KIAA0825: variants seen among roughly 807,000 people sequenced by gnomAD.
KIAA0825 encodes the protein uncharacterized protein KIAA0825.
A neutral mutation model predicts 147.6 loss-of-function variants in KIAA0825; 119 were observed. The observed-to-expected ratio is 0.81, with a 90% CI of 0.69 to 0.94. The LOEUF is 0.94. Ranked by LOEUF, KIAA0825 falls within the 40% of genes least tolerant of loss-of-function variation. The pLI is 0.00. For missense variants in KIAA0825, 1,381 were observed against 1,472.7 expected (o/e 0.94, Z 1.02); for synonymous variants, 470 against 518.1 (o/e 0.91, Z 1.26).
At chr5:94,344,861 G>T (rs898940985) in intron 20 of KIAA0825, among the ~76,000 whole-genome samples, 1 of 152,146 alleles carries the variant, frequency 6.6e-6, no homozygotes, top group African/African-American at 2.4e-5. Context: ...TACCTAGAGT[G>T]GTCAAATTCA....
At chr5:94,557,999 C>T (rs913781098) in intron 2 of KIAA0825, among the ~76,000 whole-genome samples, 3 of 152,202 alleles carry the variant, frequency 2.0e-5, no homozygotes, top group Non-Finnish European at 4.4e-5. Flanking sequence ...CGCCCATTGC[C>T]GCTCCTGATC....
chr5:94,203,788 T>C (rs1445171170), intron 20 of KIAA0825, among the ~76,000 whole-genome samples: 1 of 152,164 alleles, frequency 6.6e-6, no homozygotes, highest in Non-Finnish European at 1.5e-5. Context: ...AACAAACTTC[T>C]GTAACTGCTG....
At chr5:94,438,651 T>C (rs1756675355) in intron 14 of KIAA0825, among the ~76,000 whole-genome samples, 1 of 152,086 alleles carries the variant, frequency 6.6e-6, no homozygotes, top group Admixed American at 6.5e-5. Context: ...AGCAATATTC[T>C]CACAAGAGAC....
Position 94,347,422 on chromosome 5 carries a change from G to A in KIAA0825, c.3710+36946C>T, listed in dbSNP as rs191466919. 2.3e-3 allele frequency among the ~76,000 whole-genome samples: 354 copies of A among 152,214 alleles called. 3 individuals are homozygous for A. Among genetic ancestry groups the A allele is most frequent in the African/African-American group, 7.9e-3 (329 of 41,528 alleles). On this transcript the variant is annotated intron_variant, in intron 20 of 20. Transcript: ENST00000682413. Reference sequence around the variant, plus strand: ...CATTGCACCCCCTGCCACTTCCACCGGAACAGGCACTGGTATCCACAGCTG... The same window carrying A: ...CATTGCACCCCCTGCCACTTCCACCAGAACAGGCACTGGTATCCACAGCTG...
At chr5:94,484,988 T>G (rs1762882821) in intron 5 of KIAA0825, 58 bp from the exon 6 acceptor site, 3 of 1,175,970 alleles carry the variant, frequency 2.6e-6, no homozygotes, top group East Asian at 5.5e-5. Flanking sequence ...TAGTAAATAT[T>G]AGAATGATCT....
intron 20 of KIAA0825, among the ~76,000 whole-genome samples, chr5:94,154,550 A>G (rs752526097): frequency 6.6e-6 from 1 of 152,164 alleles, no homozygotes; most frequent in Admixed American, 6.5e-5. Flanking sequence ...TTTAGCAGAA[A>G]GAAGAACATC....
At chr5:94,503,861 C>G (rs1409521062) in intron 5 of KIAA0825, among the ~76,000 whole-genome samples, 3 of 152,172 alleles carry the variant, frequency 2.0e-5, no homozygotes, top group Non-Finnish European at 4.4e-5. Flanking sequence ...GGCCATCTTC[C>G]AGGAAGCTAG....
intron 20 of KIAA0825, among the ~76,000 whole-genome samples, chr5:94,348,746 C>T (rs1783297299): frequency 6.6e-6 from 1 of 152,094 alleles, no homozygotes; most frequent in South Asian, 2.1e-4. Flanking sequence ...ACAGAATTTG[C>T]CATTACCAAG....
At chr5:94,154,178 C>G in intron 20 of KIAA0825, 54 bp from the exon 21 acceptor site, 1 of 1,086,520 alleles carries the variant, frequency 9.2e-7, no homozygotes, top group Non-Finnish European at 1.4e-6. Flanking sequence ...CACAGGTCAA[C>G]ACTCAGTTAA....
chr5:94,307,116 A>G (rs992621743), intron 20 of KIAA0825, among the ~76,000 whole-genome samples: 4 of 151,712 alleles, frequency 2.6e-5, no homozygotes, highest in Non-Finnish European at 5.9e-5. Flanking sequence ...AAACTTCTAG[A>G]TGCTCTACAT....
chr5:94,251,460 A>G (rs1402221856), intron 20 of KIAA0825, among the ~76,000 whole-genome samples: 1 of 152,092 alleles, frequency 6.6e-6, no homozygotes, highest in African/African-American at 2.4e-5. Flanking sequence ...CCTAAAGGCC[A>G]TGTATGCAAA....
At chr5:94,297,618 T>C (rs937350436) in intron 20 of KIAA0825, among the ~76,000 whole-genome samples, 1 of 151,978 alleles carries the variant, frequency 6.6e-6, no homozygotes, top group South Asian at 2.1e-4. Flanking sequence ...ATTTTTGAGA[T>C]AGAGTCTCAA....
chr5:94,426,064 T>C (rs1404469648), intron 14 of KIAA0825, among the ~76,000 whole-genome samples: 1 of 144,024 alleles, frequency 6.9e-6, no homozygotes, highest in Non-Finnish European at 1.5e-5. Flanking sequence ...AGAGAGAAGG[T>C]CTTGCTATGT....
At chr5:94,338,621 C>T (rs867083363) in intron 20 of KIAA0825, among the ~76,000 whole-genome samples, 2 of 152,214 alleles carry the variant, frequency 1.3e-5, no homozygotes, top group South Asian at 4.1e-4. Context: ...CACACAAATA[C>T]CACTTTGTTA....
intron 2 of KIAA0825, among the ~76,000 whole-genome samples, chr5:94,579,060 T>G (rs372384327): frequency 6.6e-6 from 1 of 152,182 alleles, no homozygotes; most frequent in Non-Finnish European, 1.5e-5. Context: ...TAGCTGGGAC[T>G]ACAGGAGCGT....
intron 20 of KIAA0825, among the ~76,000 whole-genome samples, chr5:94,213,293 A>T (rs902978068): frequency 3.3e-5 from 5 of 152,104 alleles, no homozygotes; most frequent in African/African-American, 1.2e-4. Flanking sequence ...TCCTATTGAT[A>T]TTATCTACTA....
intron 2 of KIAA0825, among the ~76,000 whole-genome samples, chr5:94,566,108 C>G (rs1230330681): frequency 6.6e-6 from 1 of 152,120 alleles, no homozygotes; most frequent in South Asian, 2.1e-4. Context: ...ACAGAATTTC[C>G]TTTTCTAAGG....
At chr5:94,263,919 T>C (rs2150134978) in intron 20 of KIAA0825, among the ~76,000 whole-genome samples, 1 of 152,292 alleles carries the variant, frequency 6.6e-6, no homozygotes, top group African/African-American at 2.4e-5. Flanking sequence ...ATAGGGATCA[T>C]TGGTACCTGA....
At chr5:94,347,268 C>T (rs544409827) in intron 20 of KIAA0825, among the ~76,000 whole-genome samples, 11 of 152,336 alleles carry the variant, frequency 7.2e-5, no homozygotes, top group African/African-American at 1.7e-4. Context: ...TCTAGGGCTC[C>T]GCCCACTGCT....
Sources: allele counts gnomAD v4.1 joint callset (sites outside exome capture counted in the v4.1 genomes callset), GRCh38; gene constraint gnomAD v4.1.1; transcripts MANE v1.5; gene names NCBI Gene and HGNC (gene_info 2026-07-23, HGNC 2026-07-21).